CEP192: variants seen among roughly 807,000 people sequenced by gnomAD.
The protein encoded by CEP192 is centrosomal protein 192, also known as centrosomal protein of 192 kDa.
In CEP192, 151 loss-of-function variants were observed where a neutral mutation model predicts 271.8. The observed-to-expected ratio is 0.56, with a 90% confidence interval of 0.49 to 0.64. CEP192 has a LOEUF of 0.64. Ranked by LOEUF, CEP192 falls within the 30% of genes least tolerant of loss-of-function variation. The pLI, the probability that CEP192 is intolerant of heterozygous loss-of-function variation, is 0.00. For synonymous variants in CEP192, 995 were observed against 1,076.5 expected (o/e 0.92, Z 1.48); for missense variants, 2,910 against 3,020.5 (o/e 0.96, Z 0.86).
chr18:13,031,677 A>G (rs1295317840), intron 11 of CEP192, among the ~76,000 whole-genome samples: 1 of 152,174 alleles, frequency 6.6e-6, no homozygotes, highest in Admixed American at 6.5e-5. Flanking sequence ...GCCAGTCCTT[A>G]AGAAACTGTT....
At chr18:13,023,414 G>T (rs1200028252) in intron 9 of CEP192, among the ~76,000 whole-genome samples, 1 of 151,052 alleles carries the variant, frequency 6.6e-6, no homozygotes, top group African/African-American at 2.4e-5. Flanking sequence ...ATCAAGTTGA[G>T]AATGTTTCTC....
chr18:13,121,192 T>C (rs1202439080), intron 44 of CEP192, among the ~76,000 whole-genome samples: 1 of 152,238 alleles, frequency 6.6e-6, no homozygotes, highest in Non-Finnish European at 1.5e-5. Context: ...TCTGTGTTCT[T>C]AAAGCCCTGA....
At chr18:13,014,586 G>A (rs2034538173) in intron 5 of CEP192, among the ~76,000 whole-genome samples, 1 of 152,090 alleles carries the variant, frequency 6.6e-6, no homozygotes, top group Non-Finnish European at 1.5e-5. Context: ...ATATTGCACA[G>A]CTGTTAACAT....
At chr18:13,061,990 A>C (rs2037433214) in intron 21 of CEP192, among the ~76,000 whole-genome samples, 1 of 152,240 alleles carries the variant, frequency 6.6e-6, no homozygotes, top group Non-Finnish European at 1.5e-5. Context: ...TTTCTGTAGC[A>C]GACATGATAA....
chr18:13,032,843 T>C (rs1474374430), intron 11 of CEP192, among the ~76,000 whole-genome samples: 1 of 152,186 alleles, frequency 6.6e-6, no homozygotes, highest in Non-Finnish European at 1.5e-5. Flanking sequence ...TAGGTTGCAA[T>C]GAGAATGAGT....
intron 40 of CEP192, among the ~76,000 whole-genome samples, chr18:13,112,987 T>C (rs965124832): frequency 6.6e-6 from 1 of 152,254 alleles, no homozygotes; most frequent in African/African-American, 2.4e-5. Context: ...ATTACAGTTT[T>C]CTCATGATTG....
intron 30 of CEP192, among the ~76,000 whole-genome samples, chr18:13,075,969 CT>C (rs1200286640): frequency 6.6e-6 from 1 of 152,164 alleles, no homozygotes; most frequent in East Asian, 1.9e-4. Flanking sequence ...TCAACCAGAG[CT>C]TGTGTTACCC....
intron 15 of CEP192, among the ~76,000 whole-genome samples, chr18:13,046,638 T>G (rs1185633422): frequency 6.6e-6 from 1 of 151,992 alleles, no homozygotes; most frequent in Non-Finnish European, 1.5e-5. Flanking sequence ...AAATTCTTTG[T>G]TTTCTTTTAA....
rs1203683869 is a variant in CEP192, at chr18:13,049,291, G to A, written c.2500G>A (p.Val834Met). The A allele has an allele frequency of 6.2e-7, 1 of 1,614,130 alleles. No individual in the cohort carries two copies. Among genetic ancestry groups the A allele is most frequent in the Non-Finnish European group, 8.5e-7 (1 of 1,180,014 alleles). The change falls in exon 16 of 45, where the codon GTG becomes ATG. Residue 834 changes from valine to methionine, a missense_variant. Val to Met is a conservative substitution (Grantham distance 21). Coordinates refer to ENST00000506447, the MANE Select transcript of CEP192 (RefSeq NM_032142.4). ...PVDLSATSVS[V>M]RAPEENTAAI... ...GGACTTAAGTGCTACTAGTGTAAGT[G>A]TGAGGGCACCAGAAGAAAACACAGC...
intron 9 of CEP192, among the ~76,000 whole-genome samples, chr18:13,021,035 A>T (rs1267262038): frequency 1.3e-5 from 2 of 152,060 alleles, no homozygotes; most frequent in Admixed American, 6.5e-5. Context: ...TACTTTCTTG[A>T]TATTGTCCTT....
At chr18:13,032,732 C>T (rs2035702188) in intron 11 of CEP192, among the ~76,000 whole-genome samples, 1 of 152,206 alleles carries the variant, frequency 6.6e-6, no homozygotes, top group African/African-American at 2.4e-5. Flanking sequence ...GCCCCAAATT[C>T]TCAAATTCCC....
intron 42 of CEP192, among the ~76,000 whole-genome samples, chr18:13,115,393 C>T (rs762139646): frequency 3.7e-4 from 56 of 152,026 alleles, no homozygotes; most frequent in Non-Finnish European, 4.1e-4. Context: ...TGAGGAGGGT[C>T]GGAGAAGTTC....
chr18:13,041,070 A>G (rs867310808), intron 14 of CEP192, 114 bp downstream of exon 14: 1 of 809,112 alleles, frequency 1.2e-6, no homozygotes, highest in Non-Finnish European at 1.9e-6. Context: ...AACACTTTGT[A>G]GTTTCTCAGT....
At chr18:13,069,222 C>T (rs3809910) in intron 26 of CEP192, 41 bp downstream of exon 26, 67,446 of 1,525,602 alleles carry the variant, frequency 0.044, 2,281 homozygotes, top group East Asian at 0.18. Context: ...AGTCTTTCCT[C>T]AGACTGTGAG....
At chr18:13,097,749 G>C (rs1411342957) in intron 36 of CEP192, among the ~76,000 whole-genome samples, 1 of 149,418 alleles carries the variant, frequency 6.7e-6, no homozygotes, top group Non-Finnish European at 1.5e-5. Flanking sequence ...AGATAAACAA[G>C]TGAACAAAGG....
chr18:13,117,811 C>G (rs928148657), intron 44 of CEP192, among the ~76,000 whole-genome samples, 168 bp downstream of exon 44: 1 of 152,162 alleles, frequency 6.6e-6, no homozygotes, highest in African/African-American at 2.4e-5. Flanking sequence ...AAGGAGCCTG[C>G]AGGGGGACAG....
In CEP192 at chr18:13,056,134, G is replaced by C. The variant is rs1191711465; in HGVS notation, c.3544G>C (p.Ala1182Pro). The stretch of plus-strand genomic sequence containing the variant: ...AGGTCTGAGCTGTCAGGTGGGGTCA[G>C]CCACATCACACCCTGTGTCCTGCCA... ...KSGLSCQVGS[A>P]TSHPVSCQEP... The change falls in exon 19 of 45, where the codon GCC (alanine) becomes CCC (proline). Residue 1182 changes from alanine to proline, a missense_variant. Transcript: ENST00000506447. 2 of 1,613,100 alleles carry C rather than the reference G, an allele frequency of 1.2e-6. No individual in the cohort carries two copies. Among genetic ancestry groups the C allele is most frequent in the Non-Finnish European group, 1.7e-6 (2 of 1,179,508 alleles).
intron 9 of CEP192, among the ~76,000 whole-genome samples, chr18:13,025,659 T>C (rs1007089558): frequency 1.3e-5 from 2 of 152,238 alleles, no homozygotes; most frequent in Admixed American, 6.5e-5. Flanking sequence ...ATATTCACTT[T>C]CAGATAACAT....
At chr18:13,010,838 C>T (rs1400476178) in intron 4 of CEP192, among the ~76,000 whole-genome samples, 3 of 149,672 alleles carry the variant, frequency 2.0e-5, no homozygotes, top group Admixed American at 6.7e-5. Flanking sequence ...AAGAGCGAAA[C>T]TCCATCTCAA....
Sources: gnomAD v4.1 joint callset for allele counts (sites outside exome capture counted in the v4.1 genomes callset) on GRCh38, gnomAD v4.1.1 for gene constraint, MANE v1.5 for transcripts, NCBI Gene and HGNC (gene_info 2026-07-23, HGNC 2026-07-21) for gene names.